The following USP50 variants were observed in gnomAD, a reference collection of about 807,000 sequenced individuals.
USP50 encodes the protein ubiquitin specific peptidase 50.
USP50 carries 37 observed loss-of-function variants against 39.2 expected under a neutral mutation model. The observed-to-expected ratio is 0.94, with a 90% CI of 0.73 to 1.24. USP50 has a LOEUF of 1.24. Among genes scored for constraint, USP50 ranks in the 50% most tolerant of loss-of-function variants. The pLI is 0.00. For synonymous variants in USP50, 139 were observed against 144.5 expected, an observed-to-expected ratio of 0.96 and a Z score of 0.27; for missense variants, 374 against 398.2, an observed-to-expected ratio of 0.94 and a Z score of 0.52.
intron 2 of USP50, 121 bp downstream of exon 2, chr15:50,544,466 C>A (rs1474251725): frequency 4.5e-6 from 4 of 893,248 alleles, no homozygotes; most frequent in Middle Eastern, 3.5e-4. Context: ...ATCTGGGAAG[C>A]TACAACCTCT....
In USP50 at chr15:50,546,488, T is replaced by TCGA. The variant is rs1566913688; in HGVS notation, c.35_37dup (p.Phe12_Asp13insVal). 13 of 1,613,714 alleles carry TCGA rather than the reference T, an allele frequency of 8.1e-6. No individual in the cohort carries two copies. The highest frequency in any genetic ancestry group is 1.1e-5 in the Non-Finnish European group (13 of 1,179,674). ...CAAGGCTCACAGGACGTGGTAGATA[T>TCGA]CGAAGTCATCTGCAGGGAGAGACGG... On this transcript the variant is annotated inframe_insertion, in exon 1 of 7. Coordinates refer to ENST00000532404, the MANE Select transcript of USP50 (RefSeq NM_203494.5).
At chr15:50,510,052 A>G (rs2052717258) in intron 6 of USP50, 1 of 152,130 alleles carries the variant, frequency 6.6e-6, no homozygotes, top group Non-Finnish European at 1.5e-5. Flanking sequence ...ATATTAATTT[A>G]ATAAATTTAA....
chr15:50,495,341 CATACATAT>C (rs1383474127), intron 1 of USP50, among the ~76,000 whole-genome samples: 95 of 85,544 alleles, frequency 1.1e-3, no homozygotes, highest in African/African-American at 4.9e-3. Flanking sequence ...TATATATACA[CATACATAT>C]ATACATATAT....
intron 6 of USP50, among the ~76,000 whole-genome samples, chr15:50,521,605 T>C (rs1459776380): frequency 6.6e-6 from 1 of 152,090 alleles, no homozygotes; most frequent in Non-Finnish European, 1.5e-5. Flanking sequence ...CTAAGAGTTG[T>C]TTTTTTAAAA....
At chr15:50,501,573 A>G (rs2052589319) in intron 6 of USP50, 1 of 152,064 alleles carries the variant, frequency 6.6e-6, no homozygotes, top group Non-Finnish European at 1.5e-5. Flanking sequence ...AAGGATCTTA[A>G]CTGCATATTG....
At position 50,540,844 on chromosome 15, in the gene USP50, G is replaced by C. The variant is rs144509840; in HGVS notation, c.660+205C>G. On this transcript the variant is annotated intron_variant, in intron 4 of 6. Coordinates refer to ENST00000532404, the MANE Select transcript of USP50 (RefSeq NM_203494.5). ...TCACCATGTTGGCCAGGCTGGTCTT[G>C]AGCTCCTGACCTCAGGTGATCCGCC... 8.5e-5 allele frequency among the ~76,000 whole-genome samples: 13 copies of C among 152,166 alleles called. No homozygotes were observed. In the East Asian group the frequency reaches 2.5e-3, roughly 29 times the overall value.
At chr15:50,521,012 G>A (rs1182578562) in intron 6 of USP50, among the ~76,000 whole-genome samples, 2 of 152,104 alleles carry the variant, frequency 1.3e-5, no homozygotes, top group Non-Finnish European at 2.9e-5. Flanking sequence ...GGTTTGAGGT[G>A]ATGGAAACCT....
Position 50,543,634 on chromosome 15 carries a change from A to G in USP50, c.408T>C (p.Ile136=). The change falls in exon 3 of 7, where the codon ATT becomes ATC. Residue 136 remains isoleucine, a synonymous_variant. Coordinates refer to ENST00000532404, the MANE Select transcript of USP50 (RefSeq NM_203494.5). ...KMQQDAQEFL[I]CVLNELHEAL... ...CTTCATGAAGTTCATTTAGGACACA[A>G]ATCAAGAATTCCTGAGCATCTTGTT... 6.2e-7 allele frequency: 1 copy of G among 1,613,718 alleles called. No individual in the cohort carries two copies. Among genetic ancestry groups the G allele is most frequent in the Non-Finnish European group, 8.5e-7 (1 of 1,179,780 alleles).
chr15:50,501,935 T>G (rs1435871294), intron 6 of USP50: 1 of 152,204 alleles, frequency 6.6e-6, no homozygotes. Flanking sequence ...GGGAACACAG[T>G]CATGCTCATT....
At chr15:50,524,927 T>TGGA (rs1011184865) in intron 6 of USP50, among the ~76,000 whole-genome samples, 35 of 152,112 alleles carry the variant, frequency 2.3e-4, no homozygotes, top group African/African-American at 8.0e-4. Context: ...ATCTGACTTG[T>TGGA]GGATATACGT....
At chr15:50,540,788 T>G (rs1429352416) in intron 4 of USP50, among the ~76,000 whole-genome samples, 1 of 152,122 alleles carries the variant, frequency 6.6e-6, no homozygotes, top group Non-Finnish European at 1.5e-5. Flanking sequence ...CATGTCCAAC[T>G]AATTTTTGTA....
chr15:50,514,589 C>T (rs1227878879), intron 6 of USP50, among the ~76,000 whole-genome samples: 10 of 151,896 alleles, frequency 6.6e-5, no homozygotes, highest in Non-Finnish European at 5.9e-5. Context: ...TGGAGTGCAG[C>T]GGCGCGATCT....
intron 6 of USP50, among the ~76,000 whole-genome samples, chr15:50,524,679 G>A (rs954232660): frequency 1.3e-5 from 2 of 152,340 alleles, no homozygotes; most frequent in Admixed American, 6.5e-5. Context: ...ATGTAAATTA[G>A]TACTGTCATT....
chr15:50,528,873 C>T (rs976351651), intron 6 of USP50, among the ~76,000 whole-genome samples: 2 of 152,106 alleles, frequency 1.3e-5, no homozygotes, highest in African/African-American at 2.4e-5. Context: ...TACTGGGCTC[C>T]GGTGGGAGTC....
At chr15:50,544,182 A>C (rs1038153555) in intron 2 of USP50, among the ~76,000 whole-genome samples, 2 of 151,936 alleles carry the variant, frequency 1.3e-5, no homozygotes, top group African/African-American at 4.8e-5. Context: ...CTCTACTAAA[A>C]ATACAAAAAA....
chr15:50,541,247 T>G lies in USP50; in HGVS notation c.462A>C (p.Arg154Ser). ...GAGTAGATCCTTTCTCATATGATCT[T>G]CTCCGGGAGTAGTGGTACTGAATCA... is the stretch of plus-strand genomic sequence containing the variant. ...EALKKYHYSR[R>S]RSYEKGSTQR... Residue 154 changes from arginine to serine, a missense_variant, in exon 4 of 7, where the codon AGA becomes AGC. Arg to Ser is a moderately radical substitution (Grantham distance 110). Transcript: ENST00000532404. The G allele has an allele frequency of 6.2e-7, 1 of 1,613,566 alleles. No individual in the cohort carries two copies. Among genetic ancestry groups the G allele is most frequent in the Non-Finnish European group, 8.5e-7 (1 of 1,179,744 alleles).
chr15:50,517,865 T>A (rs538392708), intron 6 of USP50, among the ~76,000 whole-genome samples: 1 of 152,124 alleles, frequency 6.6e-6, no homozygotes, highest in African/African-American at 2.4e-5. Flanking sequence ...ACTACAGGTA[T>A]GTGCCACTAT....
At chr15:50,499,896 T>TAGTATTCTCACA (rs1215891275), downstream of USP50, 6 of 152,248 alleles carry the variant, frequency 3.9e-5, no homozygotes, top group African/African-American at 1.2e-4. Context: ...CTTTCAAGAC[T>TAGTATTCTCACA]AGTATTCTCA....
chr15:50,505,896 T>C (rs1340941574), intron 6 of USP50: 1 of 152,266 alleles, frequency 6.6e-6, no homozygotes, highest in Admixed American at 6.5e-5. Flanking sequence ...TTCAAAACTG[T>C]AGTGAGCTAT....
Sources: gnomAD v4.1 joint callset for allele counts (sites outside exome capture counted in the v4.1 genomes callset) on GRCh38, gnomAD v4.1.1 for gene constraint, MANE v1.5 for transcripts, NCBI Gene and HGNC (gene_info 2026-07-23, HGNC 2026-07-21) for gene names.